DIP2C: variants seen among roughly 807,000 people sequenced by gnomAD.
DIP2C encodes DIP2 acetate--CoA ligase C (putative), also known as disco-interacting protein 2 homolog C.
In DIP2C, 33 loss-of-function variants were observed where a neutral mutation model predicts 192.4. That is an observed-to-expected ratio of 0.17 (90% CI 0.13 to 0.23). DIP2C has a LOEUF of 0.23. Ranked by LOEUF, DIP2C falls within the 10% of genes least tolerant of loss-of-function variation. The probability of loss-of-function intolerance (pLI) is 1.00; values close to 1 mark genes in which losing one functional copy is unlikely to be tolerated. For synonymous variants in DIP2C, 979 were observed against 864.1 expected, an observed-to-expected ratio of 1.13 and a Z score of -2.33; for missense variants, 1,537 against 2,110.1, an observed-to-expected ratio of 0.73 and a Z score of 5.32.
chr10:679,656 ACT>A (rs1352747956), intron 1 of DIP2C, among the ~76,000 whole-genome samples: 6 of 129,526 alleles, frequency 4.6e-5, no homozygotes, highest in Non-Finnish European at 8.0e-5. Flanking sequence ...TGCTCCCCGC[ACT>A]CGTCCTCCCC....
intron 1 of DIP2C, among the ~76,000 whole-genome samples, chr10:584,517 G>A (rs1479080385): frequency 7.9e-6 from 1 of 126,784 alleles, no homozygotes; most frequent in African/African-American, 3.1e-5. Flanking sequence ...GATAATCTCG[G>A]GGCCCGCGAC....
chr10:602,692 A>G (rs534138003), intron 1 of DIP2C, among the ~76,000 whole-genome samples: 1 of 152,290 alleles, frequency 6.6e-6, no homozygotes, highest in South Asian at 2.1e-4. Flanking sequence ...TCATGTTACA[A>G]CATTAGCCAC....
At chr10:500,567 C>T (rs1845152811) in intron 1 of DIP2C, among the ~76,000 whole-genome samples, 1 of 152,210 alleles carries the variant, frequency 6.6e-6, no homozygotes, top group South Asian at 2.1e-4. Flanking sequence ...GTGTGCCATG[C>T]AATGGACAGA....
intron 1 of DIP2C, among the ~76,000 whole-genome samples, chr10:507,700 G>GT (rs1476950665): frequency 6.6e-6 from 1 of 152,172 alleles, no homozygotes; most frequent in Non-Finnish European, 1.5e-5. Flanking sequence ...ATGCGCACAG[G>GT]TGAGTTTGTT....
At chr10:362,438 C>T in intron 22 of DIP2C, 52 bp downstream of exon 22, 2 of 1,584,820 alleles carry the variant, frequency 1.3e-6, no homozygotes, top group Non-Finnish European at 1.7e-6. Flanking sequence ...CAGTGCCGTG[C>T]AGCCCCAAGG....
intron 36 of DIP2C, among the ~76,000 whole-genome samples, chr10:279,807 G>A (rs1163977873): frequency 3.3e-5 from 5 of 152,262 alleles, no homozygotes; most frequent in Admixed American, 3.3e-4. Context: ...TCACATGGCA[G>A]GTAACAGCAG....
Position 670,076 on chromosome 10 carries a change from GCA to G in DIP2C, c.85+19416_85+19417del, listed in dbSNP as rs568893220. On this transcript the variant is annotated intron_variant, in intron 1 of 36. Coordinates refer to ENST00000280886, the MANE Select transcript of DIP2C (RefSeq NM_014974.3). ...GTATGAAAGGAAAAGGCATATCTGT[GCA>G]CACACACATGCATACACACACATCC... 9.9e-5 allele frequency among the ~76,000 whole-genome samples: 15 copies of G among 152,226 alleles called. No individual in the cohort carries two copies. In the East Asian group the frequency reaches 2.3e-3, roughly 24 times the overall value.
chr10:290,519 G>T (rs1955438179), intron 32 of DIP2C, among the ~76,000 whole-genome samples: 1 of 152,228 alleles, frequency 6.6e-6, no homozygotes, highest in African/African-American at 2.4e-5. Context: ...ACATGGCCAT[G>T]CCAGGACAAT....
At chr10:659,226 T>C (rs565819687) in intron 1 of DIP2C, among the ~76,000 whole-genome samples, 1 of 152,304 alleles carries the variant, frequency 6.6e-6, no homozygotes, top group Admixed American at 6.5e-5. Context: ...TGCACATGTG[T>C]GCGATGTCAT....
intron 1 of DIP2C, among the ~76,000 whole-genome samples, chr10:628,476 C>T (rs1269651877): frequency 6.6e-6 from 1 of 152,232 alleles, no homozygotes; most frequent in Non-Finnish European, 1.5e-5. Flanking sequence ...CAACGGGCAT[C>T]ATGCCAGGTC....
At chr10:595,568 T>C (rs1437096389) in intron 1 of DIP2C, among the ~76,000 whole-genome samples, 2 of 152,060 alleles carry the variant, frequency 1.3e-5, no homozygotes, top group African/African-American at 4.8e-5. Flanking sequence ...TGATTTTGCA[T>C]CTACCTTGAA....
At position 356,497 on chromosome 10, in the gene DIP2C, G is replaced by C; in HGVS notation, c.2914C>G (p.Leu972Val). 1 of 1,611,648 alleles carries C rather than the reference G, an allele frequency of 6.2e-7. No individual in the cohort carries two copies. Among genetic ancestry groups the C allele is most frequent in the Non-Finnish European group, 8.5e-7 (1 of 1,179,484 alleles). ...DNDQARKFLF[L>V]SEVLQWRAQT... ...GCTCTCCACTGCAAGACCTCTGAGA[G>C]GAACAGGAACTGGAACAGAGCACGG... Residue 972 changes from leucine (L) to valine (V), a missense_variant, in exon 24 of 37, where the codon CTC becomes GTC. Leu to Val is a conservative substitution (Grantham distance 32). Transcript: ENST00000280886.
At chr10:650,946 T>G (rs1477262589) in intron 1 of DIP2C, 2 of 717,446 alleles carry the variant, frequency 2.8e-6, no homozygotes, top group Non-Finnish European at 5.2e-6. Context: ...GCTACACAGC[T>G]CTGGCTGTTT....
chr10:459,429 T>C (rs1477915220), intron 3 of DIP2C, among the ~76,000 whole-genome samples: 2 of 152,244 alleles, frequency 1.3e-5, no homozygotes, highest in East Asian at 3.8e-4. Flanking sequence ...AGTCAGATGC[T>C]GATCCCTGAG....
intron 8 of DIP2C, among the ~76,000 whole-genome samples, chr10:411,392 A>C (rs576049496): frequency 2.6e-5 from 4 of 152,352 alleles, no homozygotes; most frequent in African/African-American, 9.6e-5. Flanking sequence ...CGGGTAGTCT[A>C]AAGTGGAAAA....
chr10:399,329 T>C, intron 9 of DIP2C, 110 bp from the exon 10 acceptor site: 1 of 753,500 alleles, frequency 1.3e-6, no homozygotes. Context: ...GAGAACCAGA[T>C]CCTATGTAAA....
At chr10:346,313 AC>A (rs1958449856) in intron 26 of DIP2C, among the ~76,000 whole-genome samples, 1 of 92,332 alleles carries the variant, frequency 1.1e-5, no homozygotes, top group Non-Finnish European at 2.1e-5. Flanking sequence ...CGTCACACAC[AC>A]CCAGACACAT....
At chr10:361,148 A>G (rs1959436545) in intron 22 of DIP2C, among the ~76,000 whole-genome samples, 1 of 152,182 alleles carries the variant, frequency 6.6e-6, no homozygotes, top group Admixed American at 6.5e-5. Flanking sequence ...TTTAGCAAAA[A>G]CAGATGAGAC....
intron 1 of DIP2C, among the ~76,000 whole-genome samples, chr10:521,493 G>T (rs1181700144): frequency 1.3e-5 from 2 of 152,212 alleles, no homozygotes; most frequent in Non-Finnish European, 2.9e-5. Flanking sequence ...CCCAAAGCCT[G>T]ACGTGTGGTC....
Sources: gnomAD v4.1 joint callset for allele counts (sites outside exome capture counted in the v4.1 genomes callset) on GRCh38, gnomAD v4.1.1 for gene constraint, MANE v1.5 for transcripts, NCBI Gene and HGNC (gene_info 2026-07-23, HGNC 2026-07-21) for gene names.